The following HIPK2 variants were observed in gnomAD, a reference collection of about 807,000 sequenced individuals.
The protein encoded by HIPK2 is homeodomain interacting protein kinase 2, also known as homeodomain-interacting protein kinase 2.
HIPK2 carries 27 observed loss-of-function variants against 113.7 expected under a neutral mutation model. That is an observed-to-expected ratio of 0.24 (90% CI 0.17 to 0.33). The LOEUF (loss-of-function observed/expected upper bound fraction) is 0.33. Among genes scored for constraint, HIPK2 ranks in the 10% least tolerant of loss-of-function variants. HIPK2 has a pLI of 1.00. For missense variants in HIPK2, 1,257 were observed against 1,588.0 expected (o/e 0.79, Z 3.54); for synonymous variants, 631 against 642.2 (o/e 0.98, Z 0.26).
At chr7:139,622,348 G>C (rs1382790987) in intron 6 of HIPK2, among the ~76,000 whole-genome samples, 1 of 152,220 alleles carries the variant, frequency 6.6e-6, no homozygotes, top group African/African-American at 2.4e-5. Flanking sequence ...TAATGCCAGT[G>C]TGTTTTCAGC....
chr7:139,690,367 TTGATGTTTGTCCCCCTCCAATCTTA>T (rs143447960), intron 2 of HIPK2, among the ~76,000 whole-genome samples: 3,941 of 152,122 alleles, frequency 0.026, 185 homozygotes, highest in African/African-American at 0.09. Flanking sequence ...TGCTACAGTT[TTGATGTTTGTCCCCCTCCAATCTTA>T]TGTTGAAATG....
rs1799227634 is a variant in HIPK2 at position 139,596,726 on chromosome 7, G to A, written c.2708C>T (p.Ala903Val). The change falls in exon 12 of 15, where the codon GCC (alanine) becomes GTC (valine). Residue 903 changes from alanine (A) to valine (V), a missense_variant. By Grantham distance (64) the Ala-to-Val change is moderately conservative. Around this residue, in one of 5 missense-constraint regions of HIPK2, gnomAD observed 862 missense variants for 1,004.3 expected, o/e 0.86. Coordinates refer to ENST00000406875, the MANE Select transcript of HIPK2 (RefSeq NM_022740.5). Reference sequence around the variant, plus strand: ...GGTGGCACTGCCTCACCTGGTGGGGGCGTGTTTCTGTTCCTCCTCCTCGTC... The same window carrying A: ...GGTGGCACTGCCTCACCTGGTGGGGACGTGTTTCTGTTCCTCCTCCTCGTC... ...DTDEEEEQKH[A>V]PTSTVSKQRK... The A allele has an allele frequency of 6.2e-7, 1 of 1,610,294 alleles. No individual in the cohort carries two copies. The highest frequency in any genetic ancestry group is 8.5e-7 in the Non-Finnish European group (1 of 1,176,660).
intron 7 of HIPK2, among the ~76,000 whole-genome samples, chr7:139,617,927 A>G (rs986460205): frequency 6.6e-6 from 1 of 152,244 alleles, no homozygotes; most frequent in Non-Finnish European, 1.5e-5. Flanking sequence ...TGAACAGAAG[A>G]AGTCTTGTTG....
chr7:139,646,332 C>T (rs1163403020), intron 2 of HIPK2, among the ~76,000 whole-genome samples: 1 of 151,718 alleles, frequency 6.6e-6, no homozygotes, highest in South Asian at 2.1e-4. Flanking sequence ...TCCGTCCCTA[C>T]AAAAAATTTT....
At chr7:139,617,013 C>G (rs1319790004) in intron 7 of HIPK2, among the ~76,000 whole-genome samples, 1 of 152,222 alleles carries the variant, frequency 6.6e-6, no homozygotes, top group East Asian at 1.9e-4. Flanking sequence ...GACCCAGTCT[C>G]CAGTGTGACC....
rs546498974 is a variant in HIPK2 at position 139,621,393 on chromosome 7, G to C, written c.1620-830C>G. Reference sequence around the variant, plus strand: ...AAGTCTTGTCCAGCTACATGAAATAGAAATTTTCTCCTTTTCTTCCCCCAT... The same window carrying C: ...AAGTCTTGTCCAGCTACATGAAATACAAATTTTCTCCTTTTCTTCCCCCAT... On this transcript the variant is annotated intron_variant, in intron 6 of 14. Transcript: ENST00000406875. 4.5e-4 allele frequency among the ~76,000 whole-genome samples: 68 copies of C among 152,272 alleles called. 1 individual carries two copies. Among genetic ancestry groups the C allele is most frequent in the African/African-American group, 1.6e-3 (65 of 41,546 alleles).
rs1439015091 is a variant in HIPK2, at chr7:139,683,098, T to C, written c.1103+32834A>G. 1.3e-5 allele frequency among the ~76,000 whole-genome samples: 2 copies of C among 152,188 alleles called. No individual in the cohort carries two copies. Among genetic ancestry groups the C allele is most frequent in the East Asian group, 3.8e-4 (2 of 5,202 alleles). ...ACACGCCACTCAGTAAGGTCACTCC[T>C]GGGTTGATGAACAAAACCTTGCTGT... On this transcript the variant is annotated intron_variant, in intron 2 of 14. Coordinates refer to ENST00000406875, the MANE Select transcript of HIPK2 (RefSeq NM_022740.5). This position sits in a 1 kb window ranked among gnomAD's most constrained non-coding sequence, Gnocchi z 4.2.
chr7:139,681,657 T>C (rs1232645944), intron 2 of HIPK2, among the ~76,000 whole-genome samples: 1 of 152,148 alleles, frequency 6.6e-6, no homozygotes. Context: ...TTAAGGATGC[T>C]GTGGCTACCA....
At position 139,572,996 on chromosome 7, in the gene HIPK2, C is replaced by T. The variant is rs749567953; in HGVS notation, c.3528G>A (p.Ser1176=). 6.8e-7 allele frequency: 1 copy of T among 1,459,868 alleles called. No homozygotes were observed. The highest frequency in any genetic ancestry group is 9.2e-7 in the Non-Finnish European group (1 of 1,084,910). The allele number at this position is 1,459,868 out of a possible 1,614,324, so 90.4% of individuals were successfully genotyped here. ...QFAHQTYISA[S]PASTVYTGYP... ...ATCCAGTGTAGACGGTGGAGGCTGG[C>T]GAGGCGCTGATGTAGGTCTGGTGGG... Residue 1176 remains serine, a synonymous_variant, in exon 15 of 15, where the codon TCG becomes TCA. Coordinates refer to ENST00000406875, the MANE Select transcript of HIPK2 (RefSeq NM_022740.5).
intron 2 of HIPK2, among the ~76,000 whole-genome samples, chr7:139,671,332 A>G (rs941302275): frequency 6.6e-6 from 1 of 152,248 alleles, no homozygotes; most frequent in African/African-American, 2.4e-5. Context: ...AGACAGGTTT[A>G]TAGAAAACAA....
intron 2 of HIPK2, among the ~76,000 whole-genome samples, chr7:139,681,534 C>T (rs910882476): frequency 4.4e-4 from 67 of 152,164 alleles, no homozygotes; most frequent in African/African-American, 1.6e-3. Flanking sequence ...CCCTCGCCTC[C>T]TCCCGCTCAG....
chr7:139,738,498 A>G (rs1796004830), intron 1 of HIPK2, among the ~76,000 whole-genome samples: 1 of 152,242 alleles, frequency 6.6e-6, no homozygotes, highest in South Asian at 2.1e-4. Flanking sequence ...GCTAGTAGCT[A>G]CCATTCTGGA....
chr7:139,694,099 G>A (rs1253013074), intron 2 of HIPK2, among the ~76,000 whole-genome samples: 6 of 152,116 alleles, frequency 3.9e-5, no homozygotes, highest in African/African-American at 7.2e-5. Context: ...AGTCTGAAGG[G>A]TCTGCATTAC....
At chr7:139,761,095 T>A (rs1032155612) in intron 1 of HIPK2, among the ~76,000 whole-genome samples, 3 of 152,236 alleles carry the variant, frequency 2.0e-5, no homozygotes, top group African/African-American at 7.2e-5. Context: ...ATTAAACTCC[T>A]TACTGTGAAA....
intron 2 of HIPK2, among the ~76,000 whole-genome samples, chr7:139,665,531 T>G (rs1187016222): frequency 1.3e-5 from 2 of 152,148 alleles, no homozygotes; most frequent in African/African-American, 4.8e-5. Flanking sequence ...CTCTCCTGGA[T>G]AGAGCACTGC....
intron 2 of HIPK2, among the ~76,000 whole-genome samples, chr7:139,677,014 A>G (rs1802524448): frequency 6.6e-6 from 1 of 151,766 alleles, no homozygotes; most frequent in Non-Finnish European, 1.5e-5. Flanking sequence ...GGCATGCACC[A>G]CCACACCTGG....
chr7:139,604,442 G>T (rs1042786853), intron 9 of HIPK2, among the ~76,000 whole-genome samples: 2 of 152,142 alleles, frequency 1.3e-5, no homozygotes, highest in Admixed American at 1.3e-4. Flanking sequence ...AGCACTTTGG[G>T]AGGCTGAGGA....
chr7:139,604,640 C>T (rs924293782), intron 9 of HIPK2, among the ~76,000 whole-genome samples: 50 of 137,214 alleles, frequency 3.6e-4, no homozygotes, highest in African/African-American at 1.2e-3. Context: ...GCCGAGATGG[C>T]GCCACTGCAC....
intron 2 of HIPK2, among the ~76,000 whole-genome samples, chr7:139,655,358 T>G (rs1052050894): frequency 6.6e-6 from 1 of 152,238 alleles, no homozygotes; most frequent in African/African-American, 2.4e-5. Flanking sequence ...TAAGTTGCAG[T>G]GGAGCCAGTA....
Sources: allele counts gnomAD v4.1 joint callset (sites outside exome capture counted in the v4.1 genomes callset), GRCh38; gene constraint gnomAD v4.1.1; regional missense constraint gnomAD v4.1.1; non-coding constraint Gnocchi (gnomAD v3.1); transcripts MANE v1.5; gene names NCBI Gene and HGNC (gene_info 2026-07-23, HGNC 2026-07-21).